The following SHROOM4 variants were observed in gnomAD, a reference collection of about 807,000 sequenced individuals.
SHROOM4 encodes the protein shroom family member 4, also known as protein Shroom4.
A neutral mutation model predicts 80.3 loss-of-function variants in SHROOM4; 17 were observed. That is an observed-to-expected ratio of 0.21 (90% CI 0.14 to 0.32). The LOEUF (loss-of-function observed/expected upper bound fraction) is 0.32. Among genes scored for constraint, SHROOM4 ranks in the 10% least tolerant of loss-of-function variants. The pLI is 1.00. For missense variants in SHROOM4, 993 were observed against 1,140.3 expected (o/e 0.87, Z 1.86); for synonymous variants, 400 against 437.5 (o/e 0.91, Z 1.07).
chrX:50,680,715 T>C (rs1557261725), intron 2 of SHROOM4, among the ~76,000 whole-genome samples: 1 of 111,347 alleles, frequency 9.0e-6, no homozygotes, highest in Admixed American at 9.6e-5. Flanking sequence ...TCTCACCTGG[T>C]GTCAAAGCTT....
chrX:50,668,159 C>A (rs946121094), intron 2 of SHROOM4, among the ~76,000 whole-genome samples: 5 of 112,275 alleles, frequency 4.5e-5, no homozygotes, highest in Admixed American at 9.4e-5. Context: ...AAGTCTCCTA[C>A]TCATGATGTT....
downstream of SHROOM4, among the ~76,000 whole-genome samples, chrX:50,585,289 A>G (rs1217733326): frequency 2.7e-5 from 3 of 111,837 alleles, no homozygotes; most frequent in East Asian, 5.6e-4. Flanking sequence ...TAGTATATCA[A>G]CAGGATGTTT....
chrX:50,637,798 G>A (rs1384032326), intron 3 of SHROOM4, among the ~76,000 whole-genome samples: 6 of 112,140 alleles, frequency 5.4e-5, no homozygotes, highest in Non-Finnish European at 7.5e-5. Flanking sequence ...CCAGTGAGTC[G>A]CCATTGACAG....
In SHROOM4 at chrX:50,627,744, T is replaced by A. The variant is rs781843486; in HGVS notation, c.2896-69A>T. ...AGGTATCTAGATGGCCTCAAAAATG[T>A]GAAGAGGTCAGGAGCCGGTGTCTGG... On this transcript the variant is annotated intron_variant, in intron 4 of 8. Transcript: ENST00000376020. 3.1e-5 allele frequency: 28 copies of A among 912,628 alleles called. No individual in the cohort carries two copies. The African/African-American group carries it at 5.5e-4, about 18-fold the overall frequency. 75.2% of individuals were successfully genotyped at this position (912,628 alleles called of 1,213,427 possible).
chrX:50,606,590 TA>T (rs1221275599), intron 6 of SHROOM4, among the ~76,000 whole-genome samples: 18 of 100,486 alleles, frequency 1.8e-4, no homozygotes, highest in African/African-American at 3.3e-4. Context: ...CAAAAGAAAT[TA>T]AAAAAAAAAA....
chrX:50,726,642 C>T (rs1557265900), intron 1 of SHROOM4, among the ~76,000 whole-genome samples: 1 of 112,879 alleles, frequency 8.9e-6, no homozygotes, highest in Admixed American at 9.3e-5. Context: ...AGGGTGCAAG[C>T]CTCAAACCTT....
intron 7 of SHROOM4, among the ~76,000 whole-genome samples, chrX:50,600,930 C>T (rs1929367157): frequency 8.9e-6 from 1 of 112,126 alleles, no homozygotes; most frequent in Non-Finnish European, 1.9e-5. Flanking sequence ...CAAAGGATGG[C>T]TAGGGGCCAT....
chrX:50,652,689 G>C (rs1557259055), intron 2 of SHROOM4, among the ~76,000 whole-genome samples: 1 of 112,047 alleles, frequency 8.9e-6, no homozygotes, highest in Admixed American at 9.5e-5. Context: ...TTCTTCTAGG[G>C]TTTTTATGGT....
chrX:50,708,913 A>G (rs782044325), intron 1 of SHROOM4, among the ~76,000 whole-genome samples: 7 of 112,056 alleles, frequency 6.2e-5, no homozygotes, highest in Admixed American at 4.7e-4. Context: ...AGAAGGACTG[A>G]TATAAGCAAG....
chrX:50,620,458 A>C (rs1009607682), intron 5 of SHROOM4, among the ~76,000 whole-genome samples: 3 of 111,636 alleles, frequency 2.7e-5, no homozygotes, highest in Non-Finnish European at 3.8e-5. Flanking sequence ...ACATCTTTAA[A>C]TAATTTTTTC....
downstream of SHROOM4, among the ~76,000 whole-genome samples, chrX:50,586,742 T>C (rs2147189558): frequency 8.9e-6 from 1 of 112,213 alleles, no homozygotes; most frequent in East Asian, 2.8e-4. Flanking sequence ...TTTGTCATCC[T>C]TTTGCTAGAC....
At chrX:50,689,328 T>C (rs1933162629) in intron 2 of SHROOM4, among the ~76,000 whole-genome samples, 1 of 111,766 alleles carries the variant, frequency 8.9e-6, no homozygotes, top group Non-Finnish European at 1.9e-5. Context: ...AAGGGAATCT[T>C]ACATGAGGGT....
At chrX:50,658,161 C>T (rs782668914) in intron 2 of SHROOM4, among the ~76,000 whole-genome samples, 6 of 112,034 alleles carry the variant, frequency 5.4e-5, no homozygotes, top group African/African-American at 1.9e-4. Context: ...TCTTGATTTC[C>T]CAGCCTCTAG....
At chrX:50,647,643 C>G (rs2147332259) in intron 2 of SHROOM4, among the ~76,000 whole-genome samples, 1 of 111,629 alleles carries the variant, frequency 9.0e-6, no homozygotes, top group Non-Finnish European at 1.9e-5. Context: ...GCCCATTATC[C>G]CTTTCAGTTC....
chrX:50,674,834 CCT>C (rs1349854774), intron 2 of SHROOM4, among the ~76,000 whole-genome samples: 1 of 111,410 alleles, frequency 9.0e-6, no homozygotes, highest in Non-Finnish European at 1.9e-5. Flanking sequence ...AAATGCAGCC[CCT>C]GTCTTCAAGG....
In SHROOM4 at chrX:50,633,608, C is replaced by T; in HGVS notation, c.2465G>A (p.Arg822Lys). The change falls in exon 4 of 9, where the codon AGG (arginine) becomes AAG (lysine). Residue 822 changes from arginine (R) to lysine (K), a missense_variant. Coordinates refer to ENST00000376020, the MANE Select transcript of SHROOM4 (RefSeq NM_020717.5). ...QPMSSSCREL[R>K]RHPMDQSYHS... ...ATATGATTGGTCCATGGGATGGCGC[C>T]TCAATTCCCTACAGCTGGAGCTCAT... is the stretch of plus-strand genomic sequence containing the variant. 2 of 1,211,862 alleles carry T rather than the reference C, an allele frequency of 1.7e-6. No individual in the cohort carries two copies. Among genetic ancestry groups the T allele is most frequent in the Non-Finnish European group, 2.2e-6 (2 of 895,544 alleles).
intron 1 of SHROOM4, among the ~76,000 whole-genome samples, chrX:50,754,282 A>T (rs1262222261): frequency 9.0e-6 from 1 of 111,629 alleles, no homozygotes; most frequent in Non-Finnish European, 1.9e-5. Flanking sequence ...GGAGGCAAAG[A>T]ATTCATTCTC....
chrX:50,589,704 T>C lies in SHROOM4; in HGVS notation c.*6991A>G, dbSNP rs1177946348. Among the ~76,000 whole-genome samples the C allele has an allele frequency of 1.8e-5, 2 of 112,349 alleles. No individual in the cohort carries two copies. The highest frequency in any genetic ancestry group is 6.5e-5 in the African/African-American group (2 of 30,921). ...GGATGGACATTTGGGTCATTTCCAC[T>C]TTTTGGCTATTATGAGTAATGCCAC... On this transcript the variant is annotated 3_prime_UTR_variant, in exon 9 of 9. Transcript: ENST00000376020.
intron 1 of SHROOM4, among the ~76,000 whole-genome samples, chrX:50,750,485 C>T (rs1439750079): frequency 8.9e-6 from 1 of 112,136 alleles, no homozygotes; most frequent in African/African-American, 3.2e-5. Flanking sequence ...TGCTCTCGAA[C>T]TCCTGACCTC....
Sources: allele counts gnomAD v4.1 joint callset (sites outside exome capture counted in the v4.1 genomes callset), GRCh38; gene constraint gnomAD v4.1.1; transcripts MANE v1.5; gene names NCBI Gene and HGNC (gene_info 2026-07-23, HGNC 2026-07-21).